TAF2: variants seen among roughly 807,000 people sequenced by gnomAD.
TAF2 encodes the protein transcription initiation factor TFIID subunit 2.
TAF2 carries 61 observed loss-of-function variants against 138.5 expected under a neutral mutation model. The ratio of observed to expected loss-of-function variants is 0.44; its 90% confidence interval spans 0.36 to 0.54. The LOEUF (loss-of-function observed/expected upper bound fraction) is 0.54. Ranked by LOEUF, TAF2 falls within the 20% of genes least tolerant of loss-of-function variation. The pLI is 0.00. For synonymous variants in TAF2, 475 were observed against 469.9 expected (o/e 1.01, Z -0.14); for missense variants, 1,090 against 1,427.9 (o/e 0.76, Z 3.81).
chr8:119,778,625 C>T (rs557866074), intron 17 of TAF2, among the ~76,000 whole-genome samples: 2 of 152,214 alleles, frequency 1.3e-5, no homozygotes, highest in South Asian at 2.1e-4. Context: ...CAGCAATAAA[C>T]GATATAAGTA....
At chr8:119,789,797 T>G (rs748103226) in intron 11 of TAF2, 51 bp from the exon 12 acceptor site, 2 of 1,529,698 alleles carry the variant, frequency 1.3e-6, no homozygotes, top group South Asian at 2.3e-5. Context: ...TCTTTTCAAT[T>G]ATATAGAATA....
chr8:119,746,558 C>G, intron 23 of TAF2, 147 bp downstream of exon 23: 1 of 815,816 alleles, frequency 1.2e-6, no homozygotes, highest in Non-Finnish European at 2.1e-6. Context: ...TGGCACAGTA[C>G]TAATCAAATG....
At chr8:119,765,955 G>A (rs573249709) in intron 18 of TAF2, among the ~76,000 whole-genome samples, 4 of 152,244 alleles carry the variant, frequency 2.6e-5, no homozygotes, top group Non-Finnish European at 4.4e-5. Context: ...GATGACACAC[G>A]TTTTTCAGGA....
chr8:119,791,195 C>G (rs1823403709), intron 11 of TAF2, 129 bp downstream of exon 11: 1 of 1,031,540 alleles, frequency 9.7e-7, no homozygotes. Flanking sequence ...ATATAAAGCA[C>G]AGGTTACTTA....
chr8:119,804,834 G>A (rs1185401476), intron 4 of TAF2, among the ~76,000 whole-genome samples: 2 of 151,976 alleles, frequency 1.3e-5, no homozygotes, highest in African/African-American at 4.8e-5. Flanking sequence ...GGTAGAGTAG[G>A]GAACACCACC....
chr8:119,783,500 A>G lies in TAF2; in HGVS notation c.1993T>C (p.Ser665Pro). Residue 665 changes from serine (S) to proline (P), a missense_variant, in exon 16 of 26, where the codon TCC becomes CCC. Coordinates refer to ENST00000378164, the MANE Select transcript of TAF2 (RefSeq NM_003184.4). ...GGGAATTTTTCCAAAGCCAAAATGG[A>G]TTCCTGCTGTGCAACAACATCTCTC... The part of the protein sequence containing the change: ...YERDVVAQQE[S>P]ILALEKFPTP... The G allele has an allele frequency of 6.2e-7, 1 of 1,614,188 alleles. No individual in the cohort carries two copies. The highest frequency in any genetic ancestry group is 8.5e-7 in the Non-Finnish European group (1 of 1,180,032).
chr8:119,776,837 A>G (rs1266163937), intron 18 of TAF2, among the ~76,000 whole-genome samples: 1 of 152,184 alleles, frequency 6.6e-6, no homozygotes, highest in East Asian at 1.9e-4. Flanking sequence ...TTTGAGGGTC[A>G]CTACTTCTAT....
chr8:119,764,110 C>T (rs962392890), intron 18 of TAF2, among the ~76,000 whole-genome samples: 11 of 149,912 alleles, frequency 7.3e-5, no homozygotes, highest in African/African-American at 2.2e-4. Context: ...TGTGCCACTG[C>T]ACTCCAGCCT....
intron 20 of TAF2, among the ~76,000 whole-genome samples, chr8:119,760,167 G>A (rs1423149039): frequency 2.6e-5 from 4 of 151,504 alleles, no homozygotes; most frequent in Admixed American, 6.6e-5. Flanking sequence ...TTCCCTTAGC[G>A]ACTTTTTTGG....
chr8:119,768,440 C>T (rs1202131059), intron 18 of TAF2, among the ~76,000 whole-genome samples: 1 of 152,088 alleles, frequency 6.6e-6, no homozygotes, highest in Non-Finnish European at 1.5e-5. Context: ...GGGCACCATT[C>T]TCCTTCCTCT....
At chr8:119,807,853 C>T (rs1465076259) in intron 3 of TAF2, among the ~76,000 whole-genome samples, 3 of 152,016 alleles carry the variant, frequency 2.0e-5, no homozygotes, top group African/African-American at 4.8e-5. Flanking sequence ...GCCTGGGAGG[C>T]GGAAGTTGCA....
At chr8:119,811,489 C>A (rs912171792) in intron 3 of TAF2, among the ~76,000 whole-genome samples, 1 of 152,098 alleles carries the variant, frequency 6.6e-6, no homozygotes, top group African/African-American at 2.4e-5. Context: ...GCCAAAACCA[C>A]AATGAACAAG....
intron 2 of TAF2, among the ~76,000 whole-genome samples, chr8:119,822,384 G>A (rs1235280156): frequency 6.6e-6 from 1 of 151,748 alleles, no homozygotes; most frequent in African/African-American, 2.4e-5. Context: ...TACCACACCT[G>A]GTTAATTAAA....
chr8:119,756,991 G>C (rs955951285), intron 21 of TAF2, among the ~76,000 whole-genome samples: 9 of 152,140 alleles, frequency 5.9e-5, no homozygotes, highest in African/African-American at 1.9e-4. Context: ...GAGGAAGAAA[G>C]AAATTGGGTT....
chr8:119,830,832 G>A (rs1826398153), intron 2 of TAF2, among the ~76,000 whole-genome samples: 2 of 152,190 alleles, frequency 1.3e-5, no homozygotes, highest in African/African-American at 2.4e-5. Context: ...TCAGCCAGGT[G>A]CAGTGGTTCA....
Position 119,750,690 on chromosome 8 carries a change from G to A in TAF2, c.2879-3756C>T, listed in dbSNP as rs540818625. Among the ~76,000 whole-genome samples the A allele has an allele frequency of 9.1e-4, 138 of 152,146 alleles. 1 individual carries two copies. The highest frequency in any genetic ancestry group is 3.1e-3 in the African/African-American group (129 of 41,434). Reference sequence around the variant, plus strand: ...AGAAGGTATTAGGGAGAGAGACGGTGGGACAGAGCTTTGAAACCTTCTGAT... The same window carrying A: ...AGAAGGTATTAGGGAGAGAGACGGTAGGACAGAGCTTTGAAACCTTCTGAT... On this transcript the variant is annotated intron_variant, in intron 22 of 25. Coordinates refer to ENST00000378164, the MANE Select transcript of TAF2 (RefSeq NM_003184.4).
chr8:119,745,754 A>C (rs1490598425), intron 23 of TAF2, among the ~76,000 whole-genome samples: 2 of 151,966 alleles, frequency 1.3e-5, no homozygotes, highest in Non-Finnish European at 2.9e-5. Context: ...GTAATTTTAT[A>C]ATACAAAGGT....
chr8:119,746,880 A>G lies in TAF2; in HGVS notation c.2933T>C (p.Leu978Pro). 1 of 1,614,150 alleles carries G rather than the reference A, an allele frequency of 6.2e-7. No homozygotes were observed. The highest frequency in any genetic ancestry group is 8.5e-7 in the Non-Finnish European group (1 of 1,180,018). ...RCGAVDLYFTLFGLSRPSCLP... is the reference protein window; with the variant it reads ...RCGAVDLYFTPFGLSRPSCLP... ...ACAGGAAGGTCTACTGAGGCCAAAAAGTGTGAAGTACAAGTCCACAGCACC... is the reference window on the plus strand; with the variant it reads ...ACAGGAAGGTCTACTGAGGCCAAAAGGTGTGAAGTACAAGTCCACAGCACC... Residue 978 changes from leucine to proline, a missense_variant, in exon 23 of 26, where the codon CTT (leucine) becomes CCT (proline). Coordinates refer to ENST00000378164, the MANE Select transcript of TAF2 (RefSeq NM_003184.4).
At chr8:119,804,873 T>G (rs911974755) in intron 4 of TAF2, among the ~76,000 whole-genome samples, 1 of 152,184 alleles carries the variant, frequency 6.6e-6, no homozygotes, top group Admixed American at 6.5e-5. Flanking sequence ...TCACGTTTTT[T>G]GTTATGCTTG....
Sources: allele counts gnomAD v4.1 joint callset (sites outside exome capture counted in the v4.1 genomes callset), GRCh38; gene constraint gnomAD v4.1.1; transcripts MANE v1.5; gene names NCBI Gene and HGNC (gene_info 2026-07-23, HGNC 2026-07-21).